The following PRKAR1B variants were observed in gnomAD, a reference collection of about 807,000 sequenced individuals.
PRKAR1B encodes the protein protein kinase cAMP-dependent type I regulatory subunit beta.
Under a neutral mutation model 46.5 loss-of-function variants are expected in PRKAR1B, and 22 were observed. That is an observed-to-expected ratio of 0.47 (90% confidence interval 0.34 to 0.68). The LOEUF (loss-of-function observed/expected upper bound fraction) is 0.68, where lower values mean the gene tolerates loss of function less well. Ranked by LOEUF, PRKAR1B falls within the 30% of genes least tolerant of loss-of-function variation. PRKAR1B has a pLI of 0.01. For synonymous variants in PRKAR1B, 259 were observed against 217.7 expected, an observed-to-expected ratio of 1.19 and a Z score of -1.67; for missense variants, 445 against 535.6, an observed-to-expected ratio of 0.83 and a Z score of 1.67.
At chr7:702,867 G>T (rs1345118285) in intron 2 of PRKAR1B, among the ~76,000 whole-genome samples, 1 of 151,424 alleles carries the variant, frequency 6.6e-6, no homozygotes, top group Non-Finnish European at 1.5e-5. Flanking sequence ...AATAAATAAA[G>T]ATGCATCATA....
At chr7:710,643 CTTTTTTTTTT>C (rs1177446855) in intron 2 of PRKAR1B, among the ~76,000 whole-genome samples, 27 of 137,636 alleles carry the variant, frequency 2.0e-4, no homozygotes, top group Non-Finnish European at 3.6e-4. Context: ...TTTCTTTTTC[CTTTTTTTTTT>C]TTTTTTTTTT....
intron 2 of PRKAR1B, among the ~76,000 whole-genome samples, chr7:709,078 A>G (rs1305204879): frequency 2.2e-5 from 3 of 133,630 alleles, no homozygotes; most frequent in African/African-American, 8.5e-5. Flanking sequence ...GGTGTGAGCC[A>G]CCGCACCCAC....
At chr7:559,708 C>A (rs905094335) in intron 9 of PRKAR1B, among the ~76,000 whole-genome samples, 2 of 152,140 alleles carry the variant, frequency 1.3e-5, no homozygotes, top group African/African-American at 4.8e-5. Context: ...GTCAGGGAGG[C>A]CAGGAAAAGG....
intron 4 of PRKAR1B, among the ~76,000 whole-genome samples, chr7:608,820 G>A (rs71536296): frequency 8.7e-5 from 2 of 22,930 alleles, no homozygotes; most frequent in Admixed American, 4.0e-4. Context: ...CTGTAGGGAG[G>A]GCCGGGGGGC....
chr7:696,402 G>A (rs1779741807), intron 2 of PRKAR1B, among the ~76,000 whole-genome samples: 1 of 152,064 alleles, frequency 6.6e-6, no homozygotes, highest in African/African-American at 2.4e-5. Context: ...CTCCCGAGTA[G>A]CTGGGATTAC....
At chr7:579,540 C>A (rs542511648) in intron 8 of PRKAR1B, among the ~76,000 whole-genome samples, 163 bp from the exon 9 acceptor site, 1 of 152,382 alleles carries the variant, frequency 6.6e-6, no homozygotes, top group South Asian at 2.1e-4. Context: ...ACGCTGTCCC[C>A]CAGCACCTCT....
intron 2 of PRKAR1B, among the ~76,000 whole-genome samples, chr7:695,168 TCA>T (rs1228559509): frequency 6.6e-6 from 1 of 152,110 alleles, no homozygotes; most frequent in Non-Finnish European, 1.5e-5. Context: ...GCTCAGCTAC[TCA>T]CAGTCGCTCT....
chr7:583,217 G>A (rs1254854361), intron 8 of PRKAR1B, among the ~76,000 whole-genome samples: 2 of 152,110 alleles, frequency 1.3e-5, no homozygotes, highest in Non-Finnish European at 2.9e-5. Context: ...GCTGTGACGT[G>A]CATTTTACCA....
intron 2 of PRKAR1B, among the ~76,000 whole-genome samples, chr7:688,029 GA>G (rs1779189037): frequency 6.8e-6 from 1 of 147,650 alleles, no homozygotes; most frequent in South Asian, 2.1e-4. Context: ...CCAGGAGGGA[GA>G]GGTTGCAATG....
intron 9 of PRKAR1B, among the ~76,000 whole-genome samples, chr7:562,810 A>C (rs953735302): frequency 1.3e-5 from 2 of 152,028 alleles, no homozygotes; most frequent in Non-Finnish European, 2.9e-5. Context: ...CATGCCCCCC[A>C]ACCATGACTC....
chr7:638,627 G>A (rs1029932679), intron 4 of PRKAR1B, among the ~76,000 whole-genome samples: 4 of 152,216 alleles, frequency 2.6e-5, no homozygotes, highest in African/African-American at 4.8e-5. Flanking sequence ...AAATGCAGGG[G>A]AAACATTTAC....
intron 4 of PRKAR1B, among the ~76,000 whole-genome samples, chr7:673,559 G>A (rs1786407856): frequency 6.6e-6 from 1 of 151,426 alleles, no homozygotes; most frequent in Admixed American, 6.6e-5. Flanking sequence ...TGAGGCAGGA[G>A]AATGACGTGA....
chr7:632,174 C>G (rs1173068568), intron 4 of PRKAR1B, among the ~76,000 whole-genome samples: 1 of 152,192 alleles, frequency 6.6e-6, no homozygotes, highest in Non-Finnish European at 1.5e-5. Context: ...CTCTCTCTGC[C>G]TTGTCTGTGT....
intron 1 of PRKAR1B, among the ~76,000 whole-genome samples, chr7:715,559 C>T (rs925626748): frequency 2.0e-5 from 3 of 152,084 alleles, no homozygotes; most frequent in Non-Finnish European, 4.4e-5. Flanking sequence ...TAGGGAAGGA[C>T]CTACCCCCTG....
chr7:691,546 A>G (rs1338330160), intron 2 of PRKAR1B: 2 of 1,304,436 alleles, frequency 1.5e-6, no homozygotes. Flanking sequence ...TTACCAGTGG[A>G]TCCATGTCCA....
intron 3 of PRKAR1B, 44 bp from the exon 4 acceptor site, chr7:677,364 G>A (rs1302390310): frequency 1.3e-6 from 2 of 1,565,520 alleles, no homozygotes; most frequent in Admixed American, 1.7e-5. Context: ...ACCCTGGCCT[G>A]ATGCTGTGAC....
At chr7:580,814 G>A (rs1562534708) in intron 8 of PRKAR1B, among the ~76,000 whole-genome samples, 1 of 150,822 alleles carries the variant, frequency 6.6e-6, no homozygotes. Context: ...TAGGTCAGAA[G>A]CTAAAAATAA....
At position 644,685 on chromosome 7, in the gene PRKAR1B, C is replaced by T. The variant is rs1359100517; in HGVS notation, c.440+32544G>A. On this transcript the variant is annotated intron_variant, in intron 4 of 10. Coordinates refer to ENST00000537384, the MANE Select transcript of PRKAR1B (RefSeq NM_001164760.2). This position sits in a 1 kb window ranked among gnomAD's most constrained non-coding sequence, Gnocchi z 4.9. ...TCCGGACAGGGAGACTTTCAACCCA[C>T]CAGGGCCTGGGTGGCTGGACCACAG... is the stretch of plus-strand genomic sequence containing the variant. Among the ~76,000 whole-genome samples the T allele has an allele frequency of 6.6e-6, 1 of 152,194 alleles. No homozygotes were observed. The highest frequency in any genetic ancestry group is 1.5e-5 in the Non-Finnish European group (1 of 68,030).
chr7:579,988 C>T (rs1425848453), intron 8 of PRKAR1B, among the ~76,000 whole-genome samples: 1 of 151,880 alleles, frequency 6.6e-6, no homozygotes, highest in African/African-American at 2.4e-5. Flanking sequence ...GTCTCAGCTA[C>T]TCAGGATGCT....
Sources: gnomAD v4.1 joint callset for allele counts (sites outside exome capture counted in the v4.1 genomes callset) on GRCh38, gnomAD v4.1.1 for gene constraint, Gnocchi (gnomAD v3.1) non-coding constraint, MANE v1.5 for transcripts, NCBI Gene and HGNC (gene_info 2026-07-23, HGNC 2026-07-21) for gene names.